PLA2G2C: variants seen among roughly 807,000 people sequenced by gnomAD.
The protein encoded by PLA2G2C is phospholipase A2 group IIC.
PLA2G2C carries 15 observed loss-of-function variants against 14.3 expected under a neutral mutation model. The observed-to-expected ratio is 1.05, with a 90% CI of 0.70 to 1.62. PLA2G2C has a LOEUF of 1.62. Ranked by LOEUF, PLA2G2C falls within the 40% of genes most tolerant of loss-of-function variation. The pLI, the probability that PLA2G2C is intolerant of heterozygous loss-of-function variation, is 0.00. For synonymous variants in PLA2G2C, 79 were observed against 67.7 expected (o/e 1.17, Z -0.82); for missense variants, 162 against 173.2 (o/e 0.94, Z 0.36).
rs188031160 is a variant in PLA2G2C at position 20,168,175 on chromosome 1, T to C, written c.284-4018A>G. On this transcript the variant is annotated intron_variant, in intron 4 of 4. Coordinates refer to ENST00000679259, the MANE Select transcript of PLA2G2C (RefSeq NM_001367969.2). ...GGGCCAAATATGCTGCTTCTGTGCT[T>C]TGGGGTGTCAGGCAAGTTGCTTCCC... Among the ~76,000 whole-genome samples the C allele has an allele frequency of 2.6e-5, 4 of 152,308 alleles. No individual in the cohort carries two copies. The East Asian group carries it at 7.7e-4, about 29-fold the overall frequency.
chr1:20,168,086 C>T (rs1474031931), intron 4 of PLA2G2C, among the ~76,000 whole-genome samples: 1 of 152,248 alleles, frequency 6.6e-6, no homozygotes, highest in Non-Finnish European at 1.5e-5. Context: ...TACATTGCCA[C>T]ACTCACATGG....
intron 1 of PLA2G2C, among the ~76,000 whole-genome samples, chr1:20,179,545 T>TGTG (rs1209736555): frequency 7.5e-6 from 1 of 133,322 alleles, no homozygotes; most frequent in African/African-American, 3.0e-5. Flanking sequence ...GTGTGTGTGT[T>TGTG]AGCTTGTCCC....
chr1:20,164,639 G>C (rs12139181), intron 4 of PLA2G2C, among the ~76,000 whole-genome samples: 31,975 of 152,138 alleles, frequency 0.21, 3,642 homozygotes, highest in South Asian at 0.37. Flanking sequence ...CCTATTTCCA[G>C]CTGCCTGCTT....
intron 4 of PLA2G2C, among the ~76,000 whole-genome samples, chr1:20,170,479 T>G (rs2018052317): frequency 6.6e-6 from 1 of 152,184 alleles, no homozygotes; most frequent in Admixed American, 6.5e-5. Flanking sequence ...CCCTGGCCCC[T>G]GGCACAGCAC....
rs1023130315 is a variant in PLA2G2C at position 20,172,006 on chromosome 1, G to A, written c.283+788C>T. On this transcript the variant is annotated intron_variant, in intron 4 of 4. Coordinates refer to ENST00000679259, the MANE Select transcript of PLA2G2C (RefSeq NM_001367969.2). ...TCTCGATCTCCTGACCTCGTGATCCGCCCGCCTCGGCCTCCCAAAGTGCTG... is the reference window on the plus strand; with the variant it reads ...TCTCGATCTCCTGACCTCGTGATCCACCCGCCTCGGCCTCCCAAAGTGCTG... 1.8e-4 allele frequency among the ~76,000 whole-genome samples: 28 copies of A among 151,564 alleles called. 1 individual carries two copies. The highest frequency in any genetic ancestry group is 3.1e-4 in the Non-Finnish European group (21 of 67,850).
intron 4 of PLA2G2C, among the ~76,000 whole-genome samples, chr1:20,170,152 T>C (rs1294914500): frequency 2.0e-5 from 3 of 152,238 alleles, no homozygotes; most frequent in Non-Finnish European, 4.4e-5. Flanking sequence ...TGAGTTCAGG[T>C]GCTGTGCGTA....
chr1:20,166,757 C>T (rs958107238), intron 4 of PLA2G2C, among the ~76,000 whole-genome samples: 9 of 152,128 alleles, frequency 5.9e-5, no homozygotes, highest in African/African-American at 2.2e-4. Flanking sequence ...TCTTCCTGTC[C>T]TTTCTAATGC....
At chr1:20,183,076 C>T (rs142558369) in intron 1 of PLA2G2C, among the ~76,000 whole-genome samples, 1 of 152,318 alleles carries the variant, frequency 6.6e-6, no homozygotes, top group African/African-American at 2.4e-5. Context: ...TTCCTGCCTT[C>T]AAGGAGCTCA....
chr1:20,172,038 C>A (rs1168986229), intron 4 of PLA2G2C, among the ~76,000 whole-genome samples: 1 of 152,016 alleles, frequency 6.6e-6, no homozygotes, highest in Non-Finnish European at 1.5e-5. Context: ...GCTGGGATTA[C>A]AAGCGTGAGC....
intron 2 of PLA2G2C, among the ~76,000 whole-genome samples, chr1:20,175,770 T>C (rs2018171092): frequency 6.6e-6 from 1 of 152,182 alleles, no homozygotes; most frequent in African/African-American, 2.4e-5. Flanking sequence ...AAATTATGTG[T>C]CTCAAAAATA....
intron 2 of PLA2G2C, 66 bp downstream of exon 2, chr1:20,177,258 C>G: frequency 1.4e-6 from 1 of 700,050 alleles, no homozygotes; most frequent in Non-Finnish European, 2.6e-6. Context: ...CTGGAGAGTC[C>G]CCCCTCCCAC....
chr1:20,183,445 G>C (rs891064605), intron 1 of PLA2G2C, among the ~76,000 whole-genome samples: 1 of 152,228 alleles, frequency 6.6e-6, no homozygotes, highest in African/African-American at 2.4e-5. Context: ...GAAACTGCTG[G>C]ATGCAGGTTG....
rs1231928523 is a variant in PLA2G2C at position 20,163,933 on chromosome 1, T to C, written c.*58A>G. 3.3e-6 allele frequency: 5 copies of C among 1,534,886 alleles called. No homozygotes were observed. In the Admixed American group the frequency reaches 9.9e-5, roughly 30 times the overall value. ...CTGTTGGGGATGATCTGAGAAGGCTTCCTGGAAGAGCAACACTAGAGCGGA... is the reference window on the plus strand; with the variant it reads ...CTGTTGGGGATGATCTGAGAAGGCTCCCTGGAAGAGCAACACTAGAGCGGA... On this transcript the variant is annotated 3_prime_UTR_variant, in exon 5 of 5. Coordinates refer to ENST00000679259, the MANE Select transcript of PLA2G2C (RefSeq NM_001367969.2).
At chr1:20,185,147 G>A (rs556796519) in intron 1 of PLA2G2C, among the ~76,000 whole-genome samples, 8 of 152,202 alleles carry the variant, frequency 5.3e-5, no homozygotes, top group African/African-American at 1.9e-4. Context: ...CCTTAAAAAA[G>A]GAAGAAAAAG....
At chr1:20,180,809 C>T (rs1041259336) in intron 1 of PLA2G2C, among the ~76,000 whole-genome samples, 14 of 152,236 alleles carry the variant, frequency 9.2e-5, no homozygotes, top group African/African-American at 9.6e-5. Flanking sequence ...TGGCCTCCCA[C>T]GCCAGCCCCT....
intron 4 of PLA2G2C, among the ~76,000 whole-genome samples, chr1:20,166,499 G>A (rs958272298): frequency 2.6e-5 from 4 of 152,130 alleles, no homozygotes; most frequent in South Asian, 2.1e-4. Context: ...CTCAGGGGAC[G>A]AGGGCTACTT....
At chr1:20,181,488 GC>G (rs2018278513) in intron 1 of PLA2G2C, among the ~76,000 whole-genome samples, 1 of 151,996 alleles carries the variant, frequency 6.6e-6, no homozygotes, top group African/African-American at 2.4e-5. Context: ...AACCCCAGGT[GC>G]GTCTGACTCC....
chr1:20,174,812 A>G (rs1241536674), intron 3 of PLA2G2C, among the ~76,000 whole-genome samples, 195 bp downstream of exon 3: 1 of 152,180 alleles, frequency 6.6e-6, no homozygotes, highest in East Asian at 1.9e-4. Context: ...TTCACAGGTC[A>G]CACACTCAAG....
intron 3 of PLA2G2C, 23 bp from the exon 4 acceptor site, chr1:20,172,920 T>A (rs756201013): frequency 6.3e-7 from 1 of 1,581,176 alleles, no homozygotes; most frequent in Non-Finnish European, 8.7e-7. Context: ...CCCTCAGGAA[T>A]CTGCTGGAGG....
Sources: allele counts gnomAD v4.1 joint callset (sites outside exome capture counted in the v4.1 genomes callset), GRCh38; gene constraint gnomAD v4.1.1; transcripts MANE v1.5; gene names NCBI Gene and HGNC (gene_info 2026-07-23, HGNC 2026-07-21).